ANKRD24: variants seen among roughly 807,000 people sequenced by gnomAD.
ANKRD24 encodes the protein ankyrin repeat domain-containing protein 24.
In ANKRD24, 109 loss-of-function variants were observed where a neutral mutation model predicts 127.8. The observed-to-expected ratio is 0.85, with a 90% CI of 0.73 to 1.00. The LOEUF (loss-of-function observed/expected upper bound fraction) is 1.00, where lower values mean the gene tolerates loss of function less well. Among genes scored for constraint, ANKRD24 ranks in the 50% least tolerant of loss-of-function variants. The pLI is 0.00. For synonymous variants in ANKRD24, 743 were observed against 671.1 expected, an observed-to-expected ratio of 1.11 and a Z score of -1.66; for missense variants, 1,648 against 1,570.2, an observed-to-expected ratio of 1.05 and a Z score of -0.84.
At chr19:4,184,085 C>T (rs754324781) in intron 1 of ANKRD24, among the ~76,000 whole-genome samples, 19 of 152,142 alleles carry the variant, frequency 1.2e-4, no homozygotes, top group Non-Finnish European at 2.8e-4. Context: ...TAGGGAAGAT[C>T]GTGGGTGTCT....
chr19:4,199,662 C>G lies in ANKRD24; in HGVS notation c.37-21C>G. ...GACACTGTCTGAGGACCCCCTCGCC[C>G]AGGACCACCTCCCCCTGCAGCTGCG... On this transcript the variant is annotated intron_variant, in intron 2 of 21. Coordinates refer to ENST00000318934, the MANE Select transcript of ANKRD24 (RefSeq NM_001393985.1). This position sits in a 1 kb window ranked among gnomAD's most constrained non-coding sequence, Gnocchi z 5.2. 6.6e-7 allele frequency: 1 copy of G among 1,518,684 alleles called. No individual in the cohort carries two copies. The highest frequency in any genetic ancestry group is 8.8e-7 in the Non-Finnish European group (1 of 1,137,974). The allele number at this position is 1,518,684 out of a possible 1,614,324, so 94.1% of individuals were successfully genotyped here. A position where few individuals can be genotyped will look rare whatever the true frequency, so the allele number is the denominator to read the frequency against.
In ANKRD24 at chr19:4,217,115, T is replaced by G; in HGVS notation, c.1955T>G (p.Met652Arg). 1.2e-6 allele frequency: 2 copies of G among 1,613,194 alleles called. No homozygotes were observed. Among genetic ancestry groups the G allele is most frequent in the Non-Finnish European group, 1.7e-6 (2 of 1,179,760 alleles). Residue 652 changes from methionine to arginine, a missense_variant, in exon 18 of 22, where the codon ATG becomes AGG. Transcript: ENST00000318934. ...AAAACAAAAGCAGAGGAAGCAGAAATGCAGGCCTACGGAGTGGGTGCTGGG... is the reference window on the plus strand; with the variant it reads ...AAAACAAAAGCAGAGGAAGCAGAAAGGCAGGCCTACGGAGTGGGTGCTGGG... ...ATKTKAEEAEMQAYGVGAGQA... is the reference protein window; with the variant it reads ...ATKTKAEEAERQAYGVGAGQA...
At chr19:4,183,171 G>T (rs1967838961) in intron 1 of ANKRD24, among the ~76,000 whole-genome samples, 1 of 152,056 alleles carries the variant, frequency 6.6e-6, no homozygotes, top group South Asian at 2.1e-4. Context: ...GTAGAGACGG[G>T]GTTTCTCCAT....
intron 2 of ANKRD24, among the ~76,000 whole-genome samples, chr19:4,194,997 T>G (rs547259671): frequency 1.3e-5 from 2 of 152,084 alleles, no homozygotes; most frequent in Admixed American, 6.5e-5. Flanking sequence ...AGATGGAGTC[T>G]CGCTGTGTCT....
chr19:4,208,675 C>T lies in ANKRD24; in HGVS notation c.833-89C>T, dbSNP rs368869089. ...TAAACGCCCTGATTCTTGGGGAAAT[C>T]GGGAGCCCCCTACAAGTCCCTGGGG... On this transcript the variant is annotated intron_variant, in intron 10 of 21. Transcript: ENST00000318934. 3.1e-5 allele frequency: 40 copies of T among 1,298,080 alleles called. 1 individual carries two copies. The Admixed American group carries it at 6.4e-4, about 21-fold the overall frequency. The allele number at this position is 1,298,080 out of a possible 1,614,324, so 80.4% of individuals were successfully genotyped here.
rs776282831 is a variant in ANKRD24 at position 4,217,074 on chromosome 19, G to A, written c.1914G>A (p.Met638Ile). 3.7e-6 allele frequency: 6 copies of A among 1,613,802 alleles called. No individual in the cohort carries two copies. In the East Asian group the frequency reaches 1.3e-4, roughly 36 times the overall value. Reference sequence around the variant, plus strand: ...CAGAGACCACGGGAGTGGAGGCCATGGGGGTGGAGGCCACAAAAACAAAAG... The same window carrying A: ...CAGAGACCACGGGAGTGGAGGCCATAGGGGTGGAGGCCACAAAAACAAAAG... ...TDTETTGVEA[M>I]GVEATKTKAE... is the part of the protein sequence containing the mutation. Residue 638 changes from methionine to isoleucine, a missense_variant, in exon 18 of 22, where the codon ATG becomes ATA. Physicochemically the swap from Met to Ile is conservative, Grantham distance 10. Transcript: ENST00000318934.
rs1184475881 is a variant in ANKRD24 at position 4,195,172 on chromosome 19, A to G, written c.37-4511A>G. ...ACTGCAAGCTCCGCCTCCCGGGTGCACGCCATTCTCCTGCCTCAGTCTCCC... is the reference window on the plus strand; with the variant it reads ...ACTGCAAGCTCCGCCTCCCGGGTGCGCGCCATTCTCCTGCCTCAGTCTCCC... On this transcript the variant is annotated intron_variant, in intron 2 of 21. Coordinates refer to ENST00000318934, the MANE Select transcript of ANKRD24 (RefSeq NM_001393985.1). This position sits in a 1 kb window ranked among gnomAD's most constrained non-coding sequence, Gnocchi z 4.2. Among the ~76,000 whole-genome samples, 5 of 151,460 alleles carry G rather than the reference A, an allele frequency of 3.3e-5. No individual in the cohort carries two copies. The highest frequency in any genetic ancestry group is 7.4e-5 in the Non-Finnish European group (5 of 67,668).
intron 13 of ANKRD24, among the ~76,000 whole-genome samples, chr19:4,211,648 A>G (rs34921675): frequency 0.47 from 71,582 of 151,818 alleles, 17,993 homozygotes; most frequent in Non-Finnish European, 0.57. Context: ...CATCTCAACA[A>G]CAACAACCAC....
chr19:4,215,295 G>C (rs1969992941), intron 15 of ANKRD24, among the ~76,000 whole-genome samples: 1 of 152,200 alleles, frequency 6.6e-6, no homozygotes, highest in African/African-American at 2.4e-5. Context: ...AGACCAGCCT[G>C]GCCAACGTGG....
chr19:4,207,209 C>G (rs1456809282), intron 7 of ANKRD24, 33 bp from the exon 8 acceptor site: 1 of 1,603,546 alleles, frequency 6.2e-7, no homozygotes. Context: ...CAGGGTTGAG[C>G]TACCGCACCG....
intron 6 of ANKRD24, 147 bp from the exon 7 acceptor site, chr19:4,202,722 C>A: frequency 1.2e-6 from 1 of 828,544 alleles, no homozygotes; most frequent in Non-Finnish European, 2.0e-6. Flanking sequence ...TTTCTTTTCT[C>A]ACCAATTTTC....
At chr19:4,193,156 G>A (rs921990874) in intron 2 of ANKRD24, among the ~76,000 whole-genome samples, 3 of 151,646 alleles carry the variant, frequency 2.0e-5, no homozygotes, top group Non-Finnish European at 4.4e-5. Context: ...ACAAAAATTA[G>A]CCAGGCGTGG....
Position 4,224,022 on chromosome 19 carries a change from G to A in ANKRD24, c.3298-105G>A, listed in dbSNP as rs753065262. On this transcript the variant is annotated intron_variant, in intron 20 of 21. Transcript: ENST00000318934. ...GCCATATTTTCATATTTTAGCAGTCGGCCATCAACGTACAGGCTTGGGGTG... is the reference window on the plus strand; with the variant it reads ...GCCATATTTTCATATTTTAGCAGTCAGCCATCAACGTACAGGCTTGGGGTG... The A allele has an allele frequency of 1.6e-4, 126 of 802,576 alleles. No homozygotes were observed. The Middle Eastern group carries it at 2.6e-3, about 17-fold the overall frequency. The allele number at this position is 802,576 out of a possible 1,614,324, so 49.7% of individuals were successfully genotyped here. A position where few individuals can be genotyped will look rare whatever the true frequency, so the allele number is the denominator to read the frequency against.
At chr19:4,216,239 CCT>C (rs1568338360) in intron 16 of ANKRD24, 43 bp from the exon 17 acceptor site, 1 of 1,526,400 alleles carries the variant, frequency 6.6e-7, no homozygotes, top group Non-Finnish European at 8.9e-7. Flanking sequence ...CTCCTGTCCC[CCT>C]GTGGCCCAGG....
rs1243627139 is a variant in ANKRD24, at chr19:4,199,250, A to G, written c.37-433A>G. On this transcript the variant is annotated intron_variant, in intron 2 of 21. Transcript: ENST00000318934. This position sits in a 1 kb window ranked among gnomAD's most constrained non-coding sequence, Gnocchi z 5.2. ...TCACTAAGGGATGAATTGGGGGACA[A>G]CTTTTTTTATTGTACAGAGTGGGTC... is the stretch of plus-strand genomic sequence containing the variant. 6.6e-6 allele frequency among the ~76,000 whole-genome samples: 1 copy of G among 151,966 alleles called. No individual in the cohort carries two copies. The highest frequency in any genetic ancestry group is 1.5e-5 in the Non-Finnish European group (1 of 67,996).
Position 4,195,121 on chromosome 19 carries a change from G to GGA in ANKRD24, c.37-4560_37-4559dup, listed in dbSNP as rs1968630744. Among the ~76,000 whole-genome samples, 1 of 151,914 alleles carries GGA rather than the reference G, an allele frequency of 6.6e-6. No individual in the cohort carries two copies. The highest frequency in any genetic ancestry group is 1.5e-5 in the Non-Finnish European group (1 of 68,014). ...GGAGTCTCACTCTGTCACCCAGGTT[G>GGA]GAGTGCAGTGGCACGACTTCTGCTC... On this transcript the variant is annotated intron_variant, in intron 2 of 21. Coordinates refer to ENST00000318934, the MANE Select transcript of ANKRD24 (RefSeq NM_001393985.1). The surrounding 1 kb of genome is among the most constrained non-coding windows in gnomAD (Gnocchi z 4.2).
chr19:4,207,427 G>C, intron 8 of ANKRD24, 74 bp from the exon 9 acceptor site: 3 of 1,570,646 alleles, frequency 1.9e-6, no homozygotes, highest in Non-Finnish European at 2.6e-6. Context: ...GAAACTCAAG[G>C]GCAGTTATAT....
intron 18 of ANKRD24, among the ~76,000 whole-genome samples, chr19:4,219,218 G>A (rs1568345138): frequency 6.6e-6 from 1 of 152,042 alleles, no homozygotes; most frequent in Non-Finnish European, 1.5e-5. Flanking sequence ...CCCGGGAAGT[G>A]GAGGTTGCAG....
At position 4,218,169 on chromosome 19, in the gene ANKRD24, C is replaced by A; in HGVS notation, c.3003+6C>A. 1 of 1,464,396 alleles carries A rather than the reference C, an allele frequency of 6.8e-7. No individual in the cohort carries two copies. The highest frequency in any genetic ancestry group is 2.5e-5 in the Admixed American group (1 of 40,194). 90.7% of individuals were successfully genotyped at this position (1,464,396 alleles called of 1,614,324 possible). ...CCAGCGCAGAGGTCTTCCAGGTGAG[C>A]AGGGCTGGTCACCACCCGGGCCCCA... On this transcript the variant is annotated splice_donor_region_variant and intron_variant, in intron 18 of 21. Transcript: ENST00000318934.
Sources: allele counts gnomAD v4.1 joint callset (sites outside exome capture counted in the v4.1 genomes callset), GRCh38; gene constraint gnomAD v4.1.1; non-coding constraint Gnocchi (gnomAD v3.1); transcripts MANE v1.5; gene names NCBI Gene and HGNC (gene_info 2026-07-23, HGNC 2026-07-21).